FOLH1: variants seen among roughly 807,000 people sequenced by gnomAD.
The protein encoded by FOLH1 is folate hydrolase 1.
In FOLH1, 54 loss-of-function variants were observed where a neutral mutation model predicts 93.9. The observed-to-expected ratio is 0.57, with a 90% CI of 0.46 to 0.72. The LOEUF is 0.72. Among genes scored for constraint, FOLH1 ranks in the 30% least tolerant of loss-of-function variants. The pLI, the probability that FOLH1 is intolerant of heterozygous loss-of-function variation, is 0.00. For synonymous variants in FOLH1, 249 were observed against 303.6 expected, an observed-to-expected ratio of 0.82 and a Z score of 1.87; for missense variants, 571 against 892.5, an observed-to-expected ratio of 0.64 and a Z score of 4.59.
At chr11:49,150,242 A>C (rs1253743282) in intron 17 of FOLH1, among the ~76,000 whole-genome samples, 2 of 152,316 alleles carry the variant, frequency 1.3e-5, no homozygotes, top group East Asian at 3.9e-4. Context: ...GTCAATTGTA[A>C]ATTTTAACAT....
intron 1 of FOLH1, chr11:49,207,754 C>A (rs1422074431): frequency 5.2e-6 from 2 of 385,736 alleles, no homozygotes; most frequent in East Asian, 1.5e-4. Flanking sequence ...ATAAAAGAGT[C>A]TGAGCTTGCC....
chr11:49,148,515 T>C (rs914583611), intron 18 of FOLH1, 124 bp downstream of exon 18: 1 of 676,588 alleles, frequency 1.5e-6, no homozygotes, highest in Non-Finnish European at 2.5e-6. Context: ...TTACTACATA[T>C]ATTTTGAAAT....
At chr11:49,181,203 G>T (rs529584042) in intron 7 of FOLH1, among the ~76,000 whole-genome samples, 1 of 151,632 alleles carries the variant, frequency 6.6e-6, no homozygotes, top group East Asian at 2.0e-4. Context: ...TGCCTCCCGG[G>T]TTCAAGTGAT....
chr11:49,181,177 G>A (rs560556245), intron 7 of FOLH1, among the ~76,000 whole-genome samples: 8 of 149,904 alleles, frequency 5.3e-5, no homozygotes, highest in African/African-American at 2.0e-4. Context: ...GCGCGATCTC[G>A]GCTCACTGCA....
chr11:49,169,217 A>T lies in FOLH1; in HGVS notation c.1350T>A (p.Ile450=). Residue 450 remains isoleucine, a synonymous_variant, in exon 12 of 19, where the codon ATT becomes ATA. Coordinates refer to ENST00000256999, the MANE Select transcript of FOLH1 (RefSeq NM_004476.3). ...RLLQERGVAY[I]NADSSIEGNY... ...CACCTTCTATAGATGAGTCAGCATTAATATAAGCCACGCCACGCTCTTGAA... is the reference window on the plus strand; with the variant it reads ...CACCTTCTATAGATGAGTCAGCATTTATATAAGCCACGCCACGCTCTTGAA... 1.2e-6 allele frequency: 2 copies of T among 1,613,314 alleles called. No individual in the cohort carries two copies. The highest frequency in any genetic ancestry group is 2.7e-5 in the African/African-American group (2 of 75,030).
rs767089077 is a variant in FOLH1, at chr11:49,154,229, A to G, written c.1887T>C (p.Phe629=). The part of the protein sequence containing the change: ...PQEMKTYSVS[F]DSLFSAVKNF... ...TTTGAAAAAGGAAGGGTAACATACC[A>G]AATGATACACTGTATGTCTTCATTT... is the stretch of plus-strand genomic sequence containing the variant. Residue 629 remains phenylalanine, a splice_region_variant and synonymous_variant, in exon 16 of 19, where the codon TTT becomes TTC. Coordinates refer to ENST00000256999, the MANE Select transcript of FOLH1 (RefSeq NM_004476.3). The G allele has an allele frequency of 1.2e-6, 2 of 1,613,214 alleles. No individual in the cohort carries two copies. Among genetic ancestry groups the G allele is most frequent in the Non-Finnish European group, 1.7e-6 (2 of 1,179,378 alleles).
In FOLH1 at chr11:49,191,375, C is replaced by T. The variant is rs114039508; in HGVS notation, c.513+1418G>A. On this transcript the variant is annotated intron_variant, in intron 4 of 18. Coordinates refer to ENST00000256999, the MANE Select transcript of FOLH1 (RefSeq NM_004476.3). ...TTTGAAAGAATTGACATTCCACTGG[C>T]TGGGTTACAGATGATCCAGTGAGGA... 7.8e-3 allele frequency among the ~76,000 whole-genome samples: 1,188 copies of T among 152,292 alleles called. 19 individuals are homozygous for T. The highest frequency in any genetic ancestry group is 0.027 in the African/African-American group (1,141 of 41,560).
intron 7 of FOLH1, among the ~76,000 whole-genome samples, chr11:49,176,313 T>C (rs1479348193): frequency 1.3e-5 from 2 of 152,230 alleles, no homozygotes; most frequent in African/African-American, 2.4e-5. Flanking sequence ...TCTAACTCTC[T>C]GAAATTTTCC....
Position 49,153,858 on chromosome 11 carries a change from A to G in FOLH1, c.1958T>C (p.Phe653Ser). 6.2e-7 allele frequency: 1 copy of G among 1,603,156 alleles called. No individual in the cohort carries two copies. The highest frequency in any genetic ancestry group is 8.5e-7 in the Non-Finnish European group (1 of 1,174,532). ...ASKFSERLQD[F>S]DKSNPIVLRM... is the part of the protein sequence containing the mutation. ...ATGTAGAACATACTTGCTTTTGTCA[A>G]AGTCCTGGAGTCTCTCACTGAACTT... The change falls in exon 17 of 19, where the codon TTT becomes TCT. Residue 653 changes from phenylalanine to serine, a missense_variant. Transcript: ENST00000256999.
intron 17 of FOLH1, among the ~76,000 whole-genome samples, chr11:49,149,690 T>C (rs1351546602): frequency 1.3e-5 from 2 of 152,154 alleles, no homozygotes; most frequent in African/African-American, 4.8e-5. Context: ...AGTTCTAATA[T>C]ATCAAAGCTA....
intron 3 of FOLH1, among the ~76,000 whole-genome samples, chr11:49,198,760 T>G (rs1459102336): frequency 1.3e-5 from 2 of 151,664 alleles, no homozygotes; most frequent in East Asian, 1.9e-4. Flanking sequence ...ATTTTAGGGT[T>G]TTTTTAGTTT....
chr11:49,178,190 A>G (rs1412477788), intron 7 of FOLH1, among the ~76,000 whole-genome samples: 2 of 152,166 alleles, frequency 1.3e-5, no homozygotes, highest in South Asian at 2.1e-4. Flanking sequence ...TTTGTCCATG[A>G]CTTATATAAA....
intron 11 of FOLH1, among the ~76,000 whole-genome samples, chr11:49,170,592 G>C (rs1859141163): frequency 6.6e-6 from 1 of 152,142 alleles, no homozygotes; most frequent in Non-Finnish European, 1.5e-5. Flanking sequence ...TCCAGCCTGG[G>C]CAACAGAGCG....
intron 7 of FOLH1, among the ~76,000 whole-genome samples, chr11:49,181,420 AT>A (rs1860722146): frequency 6.6e-6 from 1 of 151,652 alleles, no homozygotes; most frequent in South Asian, 2.1e-4. Context: ...CCATGTTTTA[AT>A]TTTTTATAAA....
intron 17 of FOLH1, among the ~76,000 whole-genome samples, chr11:49,150,219 C>G (rs1462895798): frequency 6.6e-6 from 1 of 152,198 alleles, no homozygotes; most frequent in Non-Finnish European, 1.5e-5. Flanking sequence ...GTTCAAATCA[C>G]TGTTGTTCAA....
Position 49,146,690 on chromosome 11 carries a change from A to G in FOLH1, c.*66T>C. 3 of 1,461,014 alleles carry G rather than the reference A, an allele frequency of 2.1e-6. No individual in the cohort carries two copies. The highest frequency in any genetic ancestry group is 2.8e-6 in the Non-Finnish European group (3 of 1,086,324). 90.5% of individuals were successfully genotyped at this position (1,461,014 alleles called of 1,614,324 possible). A position where few individuals can be genotyped will look rare whatever the true frequency, so the allele number is the denominator to read the frequency against. On this transcript the variant is annotated 3_prime_UTR_variant, in exon 19 of 19. Transcript: ENST00000256999. ...TACCAATTTTAAAATTTATCAATAT[A>G]CCCATTACGATTCTTTCTGAGTGAC... is the stretch of plus-strand genomic sequence containing the variant.
intron 3 of FOLH1, among the ~76,000 whole-genome samples, chr11:49,194,867 A>G (rs1336648250): frequency 1.3e-5 from 2 of 152,030 alleles, no homozygotes; most frequent in African/African-American, 4.8e-5. Context: ...TTCTGTTTAT[A>G]TATGATAATA....
intron 1 of FOLH1, among the ~76,000 whole-genome samples, chr11:49,206,563 C>T (rs554583498): frequency 6.6e-6 from 1 of 152,268 alleles, no homozygotes; most frequent in South Asian, 2.1e-4. Flanking sequence ...CTATCTTCCT[C>T]TGCTGACTCA....
intron 15 of FOLH1, 103 bp from the exon 16 acceptor site, chr11:49,154,595 C>T: frequency 2.0e-6 from 3 of 1,502,076 alleles, no homozygotes; most frequent in Non-Finnish European, 2.7e-6. Flanking sequence ...AGTGATGGAT[C>T]AAGGAAAGTA....
Sources: gnomAD v4.1 joint callset for allele counts (sites outside exome capture counted in the v4.1 genomes callset) on GRCh38, gnomAD v4.1.1 for gene constraint, MANE v1.5 for transcripts, NCBI Gene and HGNC (gene_info 2026-07-23, HGNC 2026-07-21) for gene names.